The following LRP5 variants were observed in gnomAD, a reference collection of about 807,000 sequenced individuals.
LRP5 encodes the protein low-density lipoprotein receptor-related protein 5.
LRP5 carries 62 observed loss-of-function variants against 154.1 expected under a neutral mutation model. That is an observed-to-expected ratio of 0.40 (90% CI 0.33 to 0.50). The LOEUF is 0.50. LRP5 is among the 20% of genes least tolerant of loss of function. The pLI is 0.55. For synonymous variants in LRP5, 966 were observed against 1,011.5 expected, an observed-to-expected ratio of 0.96 and a Z score of 0.85; for missense variants, 1,915 against 2,336.7, an observed-to-expected ratio of 0.82 and a Z score of 3.72.
Position 68,416,496 on chromosome 11 carries a change from A to T in LRP5, c.2996A>T (p.Asn999Ile). 2 of 1,614,002 alleles carry T rather than the reference A, an allele frequency of 1.2e-6. No individual in the cohort carries two copies. The highest frequency in any genetic ancestry group is 1.7e-6 in the Non-Finnish European group (2 of 1,180,048). ...KFIYWVDGRQ[N>I]IKRAKDDGTQ... ...ATCTACTGGGTGGATGGGCGCCAGA[A>T]CATCAAGCGAGCCAAGGACGACGGG... Residue 999 changes from asparagine (N) to isoleucine (I), a missense_variant, in exon 13 of 23, where the codon AAC (asparagine) becomes ATC (isoleucine). Physicochemically the swap from Asn to Ile is moderately radical, Grantham distance 149 (BLOSUM62 -3). Around this residue, in one of 3 missense-constraint regions of LRP5, gnomAD observed 1,094 missense variants for 1,210.1 expected, o/e 0.90. Coordinates refer to ENST00000294304, the MANE Select transcript of LRP5 (RefSeq NM_002335.4).
At chr11:68,420,964 C>A (rs1468560128) in intron 13 of LRP5, among the ~76,000 whole-genome samples, 1 of 152,226 alleles carries the variant, frequency 6.6e-6, no homozygotes, top group South Asian at 2.1e-4. Flanking sequence ...CGGTGGCTCA[C>A]GCCTGTAATC....
intron 1 of LRP5, among the ~76,000 whole-genome samples, chr11:68,334,095 G>T (rs200810100): frequency 2.6e-5 from 4 of 152,190 alleles, no homozygotes; most frequent in Non-Finnish European, 4.4e-5. Context: ...TTAGCTGGGC[G>T]TGGTGGTGGG....
At chr11:68,307,260 C>G in the LRP5 span, among the ~76,000 whole-genome samples, 2 of 152,130 alleles carry the variant, frequency 1.3e-5, no homozygotes, top group African/African-American at 4.8e-5. Context: ...TGGCTTGATC[C>G]TAGGAGTTCA....
rs969582203 is a variant in LRP5 at position 68,447,979 on chromosome 11, C to G, written c.4587-830C>G. On this transcript the variant is annotated intron_variant, in intron 22 of 22. Coordinates refer to ENST00000294304, the MANE Select transcript of LRP5 (RefSeq NM_002335.4). This position sits in a 1 kb window ranked among gnomAD's most constrained non-coding sequence, Gnocchi z 4.3. The stretch of plus-strand genomic sequence containing the variant: ...GCTGTATTAGCCTGTTCTCACGCTG[C>G]TAATAAAGACATACCCAAGACTGGG... Among the ~76,000 whole-genome samples, 5 of 152,140 alleles carry G rather than the reference C, an allele frequency of 3.3e-5. No individual in the cohort carries two copies. The highest frequency in any genetic ancestry group is 9.7e-5 in the African/African-American group (4 of 41,414).
the LRP5 span, among the ~76,000 whole-genome samples, chr11:68,302,127 C>A: frequency 6.6e-6 from 1 of 151,024 alleles, no homozygotes; most frequent in Non-Finnish European, 1.5e-5. Context: ...GAGGCCAAGG[C>A]GGGCAGATCA....
chr11:68,363,931 C>A lies in LRP5; in HGVS notation c.871C>A (p.Arg291=). The change falls in exon 4 of 23, where the codon CGG becomes AGG. Residue 291 remains arginine (R), a synonymous_variant. Transcript: ENST00000294304. Reference sequence around the variant, plus strand: ...GGACATCCAGGTGCTGAGCCAGGAGCGGCAGCCTTTCTGTGAGTGCCGGCT... The same window carrying A: ...GGACATCCAGGTGCTGAGCCAGGAGAGGCAGCCTTTCTGTGAGTGCCGGCT... ...PMDIQVLSQE[R]QPFFHTRCEE... 6.3e-7 allele frequency: 1 copy of A among 1,594,288 alleles called. No individual in the cohort carries two copies. The highest frequency in any genetic ancestry group is 1.7e-5 in the Admixed American group (1 of 59,182).
chr11:68,304,998 T>TG, the LRP5 span, among the ~76,000 whole-genome samples: 1 of 152,042 alleles, frequency 6.6e-6, no homozygotes, highest in Admixed American at 6.6e-5. Context: ...GTTAAGACTT[T>TG]GGGGGGCTAC....
the LRP5 span, among the ~76,000 whole-genome samples, chr11:68,298,441 G>A: frequency 6.6e-6 from 1 of 152,226 alleles, no homozygotes; most frequent in African/African-American, 2.4e-5. Context: ...TTACCAACAT[G>A]TAGGGAAAAC....
intron 9 of LRP5, among the ~76,000 whole-genome samples, chr11:68,407,715 C>T (rs994003032): frequency 4.6e-5 from 7 of 151,844 alleles, no homozygotes; most frequent in African/African-American, 1.5e-4. Flanking sequence ...GGCATGGCGG[C>T]GCCTGCCTGT....
At chr11:68,343,877 G>C (rs1483999424) in intron 1 of LRP5, among the ~76,000 whole-genome samples, 1 of 152,128 alleles carries the variant, frequency 6.6e-6, no homozygotes, top group East Asian at 1.9e-4. Context: ...CCTGGTAGCG[G>C]GTGCTGCACT....
At chr11:68,322,030 G>A (rs112906392) in intron 1 of LRP5, among the ~76,000 whole-genome samples, 4,987 of 152,312 alleles carry the variant, frequency 0.033, 254 homozygotes, top group African/African-American at 0.11. Flanking sequence ...GATAGTTTTG[G>A]AGCAAGATAT....
At position 68,365,685 on chromosome 11, in the gene LRP5, G is replaced by GCAGGA; in HGVS notation, c.1000_1004dup (p.Cys336GlyfsTer50). ...ACGGGTGTGCAGCTGCAGGACAACG[G>GCAGGA]CAGGACGTGTAAGGCAGGTGAGGCG... is the stretch of plus-strand genomic sequence containing the variant. On this transcript the variant is annotated frameshift_variant, in exon 5 of 23. Coordinates refer to ENST00000294304, the MANE Select transcript of LRP5 (RefSeq NM_002335.4). LOFTEE classifies it high-confidence loss of function. 6.4e-7 allele frequency: 1 copy of GCAGGA among 1,561,070 alleles called. No individual in the cohort carries two copies.
intron 1 of LRP5, among the ~76,000 whole-genome samples, chr11:68,319,111 C>A (rs2098595247): frequency 7.0e-6 from 1 of 142,148 alleles, no homozygotes; most frequent in Non-Finnish European, 1.5e-5. Context: ...AGGAGTCTCA[C>A]TCACGCCCAG....
chr11:68,419,239 ATTG>A (rs1207202425), intron 13 of LRP5, among the ~76,000 whole-genome samples: 1 of 151,918 alleles, frequency 6.6e-6, no homozygotes, highest in Non-Finnish European at 1.5e-5. Flanking sequence ...TTGTTTTGTT[ATTG>A]TTGTTTTTGA....
At chr11:68,352,175 C>T (rs1002834860) in intron 2 of LRP5, among the ~76,000 whole-genome samples, 7 of 152,192 alleles carry the variant, frequency 4.6e-5, no homozygotes, top group African/African-American at 1.7e-4. Context: ...CAGAAAGCAG[C>T]AGCGGGGACA....
chr11:68,315,064 C>T (rs2098592177), intron 1 of LRP5, among the ~76,000 whole-genome samples: 1 of 152,186 alleles, frequency 6.6e-6, no homozygotes, highest in South Asian at 2.1e-4. Flanking sequence ...TGCTTTCTCC[C>T]TTGCAGCGAC....
chr11:68,361,845 A>G (rs944222131), intron 3 of LRP5, among the ~76,000 whole-genome samples: 16 of 152,152 alleles, frequency 1.1e-4, no homozygotes, highest in Non-Finnish European at 2.2e-4. Flanking sequence ...AAAAGACAAC[A>G]TTGTGGAAAA....
In LRP5 at chr11:68,438,624, C is replaced by T; in HGVS notation, c.4290C>T (p.Thr1430=). 1 of 1,613,652 alleles carries T rather than the reference C, an allele frequency of 6.2e-7. No individual in the cohort carries two copies. Among genetic ancestry groups the T allele is most frequent in the Non-Finnish European group, 8.5e-7 (1 of 1,179,950 alleles). ...TCCCGCACGAGTATGTCAGCGGGAC[C>T]CCGCACGTGCCCCTCAATTTCATAG... ...GPFPHEYVSG[T]PHVPLNFIAP... is the part of the protein sequence containing the mutation. The change falls in exon 20 of 23, where the codon ACC becomes ACT. Residue 1430 remains threonine (T), a synonymous_variant. Coordinates refer to ENST00000294304, the MANE Select transcript of LRP5 (RefSeq NM_002335.4).
At chr11:68,317,139 G>C (rs898176756) in intron 1 of LRP5, among the ~76,000 whole-genome samples, 13 of 152,204 alleles carry the variant, frequency 8.5e-5, no homozygotes, top group African/African-American at 2.4e-4. Flanking sequence ...GGCTTGCTAC[G>C]AGCCGGCCTC....
Sources: allele counts gnomAD v4.1 joint callset (sites outside exome capture counted in the v4.1 genomes callset), GRCh38; gene constraint gnomAD v4.1.1; regional missense constraint gnomAD v4.1.1; non-coding constraint Gnocchi (gnomAD v3.1); transcripts MANE v1.5; gene names NCBI Gene and HGNC (gene_info 2026-07-23, HGNC 2026-07-21).